ZNF385D: variants seen among roughly 807,000 people sequenced by gnomAD.
The protein encoded by ZNF385D is zinc finger protein 385D.
In ZNF385D, 15 loss-of-function variants were observed where a neutral mutation model predicts 35.8. The observed-to-expected ratio is 0.42, with a 90% CI of 0.28 to 0.64. The LOEUF (loss-of-function observed/expected upper bound fraction) is 0.64. ZNF385D is among the 30% of genes least tolerant of loss of function. The pLI, the probability that ZNF385D is intolerant of heterozygous loss-of-function variation, is 0.23. For synonymous variants in ZNF385D, 212 were observed against 186.8 expected, an observed-to-expected ratio of 1.13 and a Z score of -1.10; for missense variants, 474 against 494.6, an observed-to-expected ratio of 0.96 and a Z score of 0.39.
At chr3:22,284,707 C>G (rs1338506426) in intron 2 of ZNF385D, among the ~76,000 whole-genome samples, 1 of 152,062 alleles carries the variant, frequency 6.6e-6, no homozygotes, top group Non-Finnish European at 1.5e-5. Context: ...CAAACACAGC[C>G]TCTTCCTACT....
chr3:21,491,779 G>GA (rs1210461696), intron 4 of ZNF385D, among the ~76,000 whole-genome samples: 1 of 152,120 alleles, frequency 6.6e-6, no homozygotes. Flanking sequence ...ATCCCTTGCA[G>GA]AAAAAATAAT....
chr3:21,847,204 G>A (rs907634331), intron 3 of ZNF385D, among the ~76,000 whole-genome samples: 7 of 150,872 alleles, frequency 4.6e-5, no homozygotes, highest in Non-Finnish European at 7.4e-5. Flanking sequence ...TATGAGTCAT[G>A]GTACCAAAAA....
chr3:21,586,147 A>AGTG (rs371414106), intron 2 of ZNF385D, among the ~76,000 whole-genome samples: 477 of 152,284 alleles, frequency 3.1e-3, no homozygotes, highest in African/African-American at 0.011. Context: ...TTGAGGCTGT[A>AGTG]GTGAATTATA....
chr3:21,577,815 TTTTTTTTTTTTC>T (rs1381892403), intron 2 of ZNF385D, among the ~76,000 whole-genome samples: 1 of 150,810 alleles, frequency 6.6e-6, no homozygotes, highest in Non-Finnish European at 1.5e-5. Flanking sequence ...TTTTTTTCTT[TTTTTTTTTTTTC>T]GAGACAGGGT....
At chr3:21,619,268 G>A (rs1575333072) in intron 2 of ZNF385D, among the ~76,000 whole-genome samples, 1 of 152,136 alleles carries the variant, frequency 6.6e-6, no homozygotes, top group Non-Finnish European at 1.5e-5. Flanking sequence ...TGGCAGCCTT[G>A]TGAATACAAT....
intron 2 of ZNF385D, among the ~76,000 whole-genome samples, chr3:21,633,157 G>A (rs532811910): frequency 3.9e-5 from 6 of 152,176 alleles, no homozygotes; most frequent in African/African-American, 1.4e-4. Flanking sequence ...AGGAATATGT[G>A]TAAACTCACT....
intron 2 of ZNF385D, among the ~76,000 whole-genome samples, chr3:22,201,051 A>C (rs1852566): frequency 6.6e-6 from 1 of 151,866 alleles, no homozygotes; most frequent in Non-Finnish European, 1.5e-5. Flanking sequence ...TCAGCTGACA[A>C]GATTAAGAGA....
rs1170739864 is a variant in ZNF385D, at chr3:21,496,481, TACAC to T, written c.439+14376_439+14379del. Among the ~76,000 whole-genome samples, 4 of 141,850 alleles carry T rather than the reference TACAC, an allele frequency of 2.8e-5. No homozygotes were observed. The South Asian group carries it at 6.5e-4, about 23-fold the overall frequency. The allele number at this position is 141,850 out of a possible 152,430, so 93.1% of individuals were successfully genotyped here. A position where few individuals can be genotyped will look rare whatever the true frequency, so the allele number is the denominator to read the frequency against. ...TATATATATCATATATATACATATA[TACAC>T]ATATATTTGATATATATATCATATA... On this transcript the variant is annotated intron_variant, in intron 4 of 7. Transcript: ENST00000281523.
At chr3:21,832,884 T>C (rs1422809725) in intron 3 of ZNF385D, among the ~76,000 whole-genome samples, 2 of 152,190 alleles carry the variant, frequency 1.3e-5, no homozygotes, top group Non-Finnish European at 2.9e-5. Context: ...GCACCAGATA[T>C]TCAGTTCATT....
chr3:21,934,193 T>A (rs1701152365), intron 3 of ZNF385D, among the ~76,000 whole-genome samples: 1 of 152,200 alleles, frequency 6.6e-6, no homozygotes, highest in Admixed American at 6.5e-5. Flanking sequence ...TTCTGTTGAA[T>A]CTTACTTTGG....
chr3:21,660,717 T>G (rs80178803), intron 2 of ZNF385D, among the ~76,000 whole-genome samples: 2,182 of 152,326 alleles, frequency 0.014, 59 homozygotes, highest in African/African-American at 0.048. Context: ...CAAGCCATTC[T>G]CCTTCGATCT....
chr3:21,886,049 G>T (rs1230497147), intron 3 of ZNF385D, among the ~76,000 whole-genome samples: 1 of 152,054 alleles, frequency 6.6e-6, no homozygotes, highest in Non-Finnish European at 1.5e-5. Context: ...AATAATGTTT[G>T]ACCAAATATC....
intron 2 of ZNF385D, among the ~76,000 whole-genome samples, chr3:22,326,834 C>T (rs1694701694): frequency 6.6e-6 from 1 of 152,082 alleles, no homozygotes; most frequent in Non-Finnish European, 1.5e-5. Context: ...CCAAAGCACC[C>T]CAAAGTATTT....
At chr3:22,160,680 T>TA (rs1400736604) in intron 3 of ZNF385D, among the ~76,000 whole-genome samples, 1 of 152,150 alleles carries the variant, frequency 6.6e-6, no homozygotes, top group African/African-American at 2.4e-5. Context: ...ACTCTGGATT[T>TA]ATGTGCTACA....
chr3:21,942,891 G>A (rs892164044), intron 3 of ZNF385D, among the ~76,000 whole-genome samples: 7 of 152,248 alleles, frequency 4.6e-5, no homozygotes, highest in Non-Finnish European at 5.9e-5. Context: ...ACCAAAAGCT[G>A]AAGGCCAACT....
At chr3:22,016,688 C>A (rs1331109809) in intron 3 of ZNF385D, among the ~76,000 whole-genome samples, 1 of 151,892 alleles carries the variant, frequency 6.6e-6, no homozygotes, top group Non-Finnish European at 1.5e-5. Flanking sequence ...AGGAGAGTAG[C>A]CCCGGAGAGT....
At position 21,465,326 on chromosome 3, in the gene ZNF385D, T is replaced by C. The variant is rs1399482696; in HGVS notation, c.440-28123A>G. ...AAAACACACTAATTTTTAAAGGTTG[T>C]TCTCATCACTGAATATTTTGGTCTA... On this transcript the variant is annotated intron_variant, in intron 4 of 7. Transcript: ENST00000281523. The surrounding 1 kb of genome is among the most constrained non-coding windows in gnomAD (Gnocchi z 4.2). Among the ~76,000 whole-genome samples the C allele has an allele frequency of 6.6e-6, 1 of 152,194 alleles. No individual in the cohort carries two copies. The highest frequency in any genetic ancestry group is 1.9e-4 in the East Asian group (1 of 5,184).
At chr3:22,291,237 C>T (rs1575051589) in intron 2 of ZNF385D, among the ~76,000 whole-genome samples, 2 of 152,114 alleles carry the variant, frequency 1.3e-5, no homozygotes, top group African/African-American at 2.4e-5. Context: ...AGAACTGCCC[C>T]TCCAAAAAAT....
At chr3:21,454,306 C>CTGT (rs4045437) in intron 4 of ZNF385D, among the ~76,000 whole-genome samples, 41,956 of 151,820 alleles carry the variant, frequency 0.28, 6,416 homozygotes, top group East Asian at 0.43. Context: ...TAGTAAAGGC[C>CTGT]TGTTTGTATA....
Sources: gnomAD v4.1 joint callset for allele counts (sites outside exome capture counted in the v4.1 genomes callset) on GRCh38, gnomAD v4.1.1 for gene constraint, Gnocchi (gnomAD v3.1) non-coding constraint, MANE v1.5 for transcripts, NCBI Gene and HGNC (gene_info 2026-07-23, HGNC 2026-07-21) for gene names.